The following GJA8 variants were observed in gnomAD, a reference collection of about 807,000 sequenced individuals.
GJA8 encodes the protein gap junction protein alpha 8, also known as gap junction alpha-8 protein.
GJA8 carries 13 observed loss-of-function variants against 15.3 expected under a neutral mutation model. That is an observed-to-expected ratio of 0.85 (90% CI 0.55 to 1.35). GJA8 has a LOEUF of 1.35. GJA8 is among the 40% of genes most tolerant of loss of function. The pLI, the probability that GJA8 is intolerant of heterozygous loss-of-function variation, is 0.00. For missense variants in GJA8, 607 were observed against 553.3 expected, an observed-to-expected ratio of 1.10 and a Z score of -0.97; for synonymous variants, 304 against 238.7, an observed-to-expected ratio of 1.27 and a Z score of -2.52.
chr1:147,906,536 C>T (rs1190147539), intron 1 of GJA8, among the ~76,000 whole-genome samples: 2 of 152,170 alleles, frequency 1.3e-5, no homozygotes, highest in African/African-American at 2.4e-5. Flanking sequence ...ATTTTCATTC[C>T]ATAGGACACT....
Position 147,908,783 on chromosome 1 carries a change from C to T in GJA8, c.828C>T (p.Ser276=). The change falls in exon 2 of 2, where the codon TCC becomes TCT. Residue 276 remains serine, a synonymous_variant. Coordinates refer to ENST00000369235, the MANE Select transcript of GJA8 (RefSeq NM_005267.5). ...YQLLEEEKIV[S]HYFPLTEVGM... ...TCCTAGAAGAAGAGAAAATCGTTTC[C>T]CACTATTTCCCCTTGACCGAGGTTG... is the stretch of plus-strand genomic sequence containing the variant. 1.2e-6 allele frequency: 2 copies of T among 1,614,148 alleles called. No homozygotes were observed. Among genetic ancestry groups the T allele is most frequent in the Non-Finnish European group, 1.7e-6 (2 of 1,180,012 alleles).
At chr1:147,909,326 A>G (rs767833870), downstream of GJA8, 78 of 1,170,078 alleles carry the variant, frequency 6.7e-5, no homozygotes, top group Non-Finnish European at 6.7e-5. Context: ...ACAGGTGCCA[A>G]CATGATCTGA....
chr1:147,908,619 A>T lies in GJA8; in HGVS notation c.664A>T (p.Met222Leu), dbSNP rs782428464. 2.5e-6 allele frequency: 4 copies of T among 1,613,944 alleles called. No homozygotes were observed. The East Asian group carries it at 8.9e-5, about 36-fold the overall frequency. ...CTCTGTGTCCCTATTCCTCAACGTG[A>T]TGGAGTTGGGCCACCTGGGCCTGAA... Reference protein sequence around the residue: ...VASVSLFLNVMELGHLGLKGI... With the variant: ...VASVSLFLNVLELGHLGLKGI... The change falls in exon 2 of 2, where the codon ATG becomes TTG. Residue 222 changes from methionine (M) to leucine (L), a missense_variant. Physicochemically the swap from Met to Leu is conservative, Grantham distance 15. Transcript: ENST00000369235.
At chr1:147,914,330 A>C in the GJA8 span, among the ~76,000 whole-genome samples, 1 of 152,196 alleles carries the variant, frequency 6.6e-6, no homozygotes, top group Non-Finnish European at 1.5e-5. Context: ...GTTATGAAGC[A>C]CATTCATAAC....
rs782061293 is a variant in GJA8, at chr1:147,908,859, GAGA to G, written c.908_910del (p.Lys303del). The G allele has an allele frequency of 1.2e-6, 2 of 1,614,164 alleles. No individual in the cohort carries two copies. Among genetic ancestry groups the G allele is most frequent in the South Asian group, 1.1e-5 (1 of 91,082 alleles). On this transcript the variant is annotated inframe_deletion, in exon 2 of 2. Transcript: ENST00000369235. ...TGCCAAGCCTTTCAATCAGTTCGAG[GAGA>G]AGATCAGCACAGGACCCCTGGGGGA...
rs1453803597 is a variant in GJA8, at chr1:147,909,118, C to T, written c.1163C>T (p.Ser388Leu). The T allele has an allele frequency of 3.7e-6, 6 of 1,613,748 alleles. No individual in the cohort carries two copies. The highest frequency in any genetic ancestry group is 5.1e-6 in the Non-Finnish European group (6 of 1,179,892). ...DKEGEKEEPQ[S>L]EKVSKQGLPA... Reference sequence around the variant, plus strand: ...GAGGGTGAAAAAGAAGAGCCGCAGTCGGAGAAGGTGTCAAAGCAAGGGCTG... The same window carrying T: ...GAGGGTGAAAAAGAAGAGCCGCAGTTGGAGAAGGTGTCAAAGCAAGGGCTG... The change falls in exon 2 of 2, where the codon TCG (serine) becomes TTG (leucine). Residue 388 changes from serine to leucine, a missense_variant. Physicochemically the swap from Ser to Leu is moderately radical, Grantham distance 145. Transcript: ENST00000369235.
At chr1:147,909,299 A>G, downstream of GJA8, 2 of 1,371,800 alleles carry the variant, frequency 1.5e-6, no homozygotes, top group Non-Finnish European at 2.1e-6. Context: ...AAGCTTACGT[A>G]GGGCAAGATG....
chr1:147,908,402 G>A lies in GJA8; in HGVS notation c.447G>A (p.Arg149=). The A allele has an allele frequency of 1.2e-6, 2 of 1,614,162 alleles. No homozygotes were observed. Among genetic ancestry groups the A allele is most frequent in the Non-Finnish European group, 1.7e-6 (2 of 1,180,032 alleles). Residue 149 remains arginine, a synonymous_variant, in exon 2 of 2, where the codon AGG becomes AGA. Coordinates refer to ENST00000369235, the MANE Select transcript of GJA8 (RefSeq NM_005267.5). ...KKFRLEGTLL[R]TYICHIIFKT... is the part of the protein sequence containing the mutation. Reference sequence around the variant, plus strand: ...TCCGGCTGGAGGGGACCCTGCTGAGGACCTACATCTGCCACATCATCTTCA... The same window carrying A: ...TCCGGCTGGAGGGGACCCTGCTGAGAACCTACATCTGCCACATCATCTTCA...
At chr1:147,905,976 C>A (rs1237604427) in intron 1 of GJA8, among the ~76,000 whole-genome samples, 2 of 152,228 alleles carry the variant, frequency 1.3e-5, no homozygotes, top group Admixed American at 6.5e-5. Context: ...ACTCTCTGCT[C>A]TCCCACAAGA....
chr1:147,903,439 C>G (rs1651678817), intron 1 of GJA8, among the ~76,000 whole-genome samples: 1 of 152,146 alleles, frequency 6.6e-6, no homozygotes, highest in African/African-American at 2.4e-5. Context: ...GCACTTTCCA[C>G]CTGGTTACCA....
In GJA8 at chr1:147,908,985, C is replaced by T. The variant is rs11485706; in HGVS notation, c.1030C>T (p.Pro344Ser). Reference sequence around the variant, plus strand: ...GCCGCCTGCAGAGGAGGGAGCCGAACCCGAGGTGGGAGAGAAGAAGGAGGA... The same window carrying T: ...GCCGCCTGCAGAGGAGGGAGCCGAATCCGAGGTGGGAGAGAAGAAGGAGGA... ...EGPPAEEGAE[P>S]EVGEKKEEAE... is the part of the protein sequence containing the mutation. Residue 344 changes from proline to serine, a missense_variant, in exon 2 of 2, where the codon CCC becomes TCC. Physicochemically the swap from Pro to Ser is moderately conservative, Grantham distance 74. Coordinates refer to ENST00000369235, the MANE Select transcript of GJA8 (RefSeq NM_005267.5). 12 of 1,596,516 alleles carry T rather than the reference C, an allele frequency of 7.5e-6. No homozygotes were observed. The highest frequency in any genetic ancestry group is 1.0e-5 in the Non-Finnish European group (12 of 1,170,616).
Position 147,909,145 on chromosome 1 carries a change from C to T in GJA8, c.1190C>T (p.Pro397Leu). The change falls in exon 2 of 2, where the codon CCA becomes CTA. Residue 397 changes from proline (P) to leucine (L), a missense_variant. By Grantham distance (98) the Pro-to-Leu change is moderately conservative. Transcript: ENST00000369235. Reference sequence around the variant, plus strand: ...GAGAAGGTGTCAAAGCAAGGGCTGCCAGCTGAGAAGACACCTTCACTCTGT... The same window carrying T: ...GAGAAGGTGTCAAAGCAAGGGCTGCTAGCTGAGAAGACACCTTCACTCTGT... ...QSEKVSKQGL[P>L]AEKTPSLCPE... 2 of 1,613,892 alleles carry T rather than the reference C, an allele frequency of 1.2e-6. No individual in the cohort carries two copies. Among genetic ancestry groups the T allele is most frequent in the Non-Finnish European group, 1.7e-6 (2 of 1,179,938 alleles).
At position 147,908,879 on chromosome 1, in the gene GJA8, C is replaced by T; in HGVS notation, c.924C>T (p.Pro308=). Residue 308 remains proline (P), a synonymous_variant, in exon 2 of 2, where the codon CCC becomes CCT. Transcript: ENST00000369235. ...NQFEEKISTG[P]LGDLSRGYQE... is the part of the protein sequence containing the mutation. ...TCGAGGAGAAGATCAGCACAGGACC[C>T]CTGGGGGACTTGTCCCGGGGCTACC... The T allele has an allele frequency of 1.2e-6, 2 of 1,614,114 alleles. No individual in the cohort carries two copies. Among genetic ancestry groups the T allele is most frequent in the Non-Finnish European group, 1.7e-6 (2 of 1,179,976 alleles).
the GJA8 span, among the ~76,000 whole-genome samples, chr1:147,914,436 T>C: frequency 6.6e-6 from 1 of 152,226 alleles, no homozygotes; most frequent in Non-Finnish European, 1.5e-5. Context: ...CCAGAGCTAA[T>C]AGTCGTGTGT....
chr1:147,911,130 T>C (rs1026590463), downstream of GJA8, among the ~76,000 whole-genome samples: 1 of 152,112 alleles, frequency 6.6e-6, no homozygotes, highest in Non-Finnish European at 1.5e-5. Flanking sequence ...CAAGTTGACA[T>C]AGCAGGGACC....
chr1:147,904,478 T>C (rs1651716158), intron 1 of GJA8, among the ~76,000 whole-genome samples: 1 of 152,164 alleles, frequency 6.6e-6, no homozygotes. Flanking sequence ...GGTGGGATGT[T>C]CCTGGCCATA....
intron 1 of GJA8, among the ~76,000 whole-genome samples, chr1:147,903,948 T>TA (rs1456793744): frequency 4.6e-5 from 7 of 151,470 alleles, no homozygotes; most frequent in African/African-American, 1.7e-4. Context: ...TTTTTTTTTT[T>TA]TGAGACAGAG....
At chr1:147,913,663 T>C (rs1553243734), downstream of GJA8, among the ~76,000 whole-genome samples, 1 of 152,144 alleles carries the variant, frequency 6.6e-6, no homozygotes, top group African/African-American at 2.4e-5. Flanking sequence ...GAAGGGTCAT[T>C]AGGCGTGCTC....
Position 147,902,834 on chromosome 1 carries a change from A to G in GJA8, c.-39A>G, listed in dbSNP as rs1203608196. 6.6e-6 allele frequency among the ~76,000 whole-genome samples: 1 copy of G among 152,022 alleles called. No homozygotes were observed. The highest frequency in any genetic ancestry group is 2.4e-5 in the African/African-American group (1 of 41,376). ...GAGCGCCAAGAGAGAAAGAGCACAT[A>G]TTTCTCCGTGGGACACTCCTTGTAT... On this transcript the variant is annotated 5_prime_UTR_variant, in exon 1 of 2. In the 5' UTR this introduces an upstream ATG that the reference lacks. Coordinates refer to ENST00000369235, the MANE Select transcript of GJA8 (RefSeq NM_005267.5).
Sources: allele counts gnomAD v4.1 joint callset (sites outside exome capture counted in the v4.1 genomes callset), GRCh38; gene constraint gnomAD v4.1.1; transcripts MANE v1.5; gene names NCBI Gene and HGNC (gene_info 2026-07-23, HGNC 2026-07-21).